The following CNTNAP2 variants were observed in gnomAD, a reference collection of about 807,000 sequenced individuals.
CNTNAP2 encodes contactin-associated protein-like 2.
In CNTNAP2, 98 loss-of-function variants were observed where a neutral mutation model predicts 155.2. The ratio of observed to expected loss-of-function variants is 0.63; its 90% confidence interval spans 0.54 to 0.75. The LOEUF is 0.75. CNTNAP2 is among the 30% of genes least tolerant of loss of function. The probability of loss-of-function intolerance (pLI) is 0.00; values close to 1 mark genes in which losing one functional copy is unlikely to be tolerated. For missense variants in CNTNAP2, 1,727 were observed against 1,688.1 expected (o/e 1.02, Z -0.40); for synonymous variants, 651 against 631.2 (o/e 1.03, Z -0.47).
chr7:147,399,267 A>G (rs936804457), intron 10 of CNTNAP2, among the ~76,000 whole-genome samples: 3 of 152,160 alleles, frequency 2.0e-5, no homozygotes, highest in African/African-American at 7.2e-5. Flanking sequence ...AGCGTTCTAA[A>G]TAGAGCAACA....
At chr7:147,735,566 C>T (rs947335928) in intron 13 of CNTNAP2, among the ~76,000 whole-genome samples, 5 of 150,148 alleles carry the variant, frequency 3.3e-5, no homozygotes, top group African/African-American at 4.9e-5. Flanking sequence ...AGTTCAATTC[C>T]TGGATATCCT....
At chr7:146,163,810 C>T (rs1044270325) in intron 1 of CNTNAP2, among the ~76,000 whole-genome samples, 5 of 151,392 alleles carry the variant, frequency 3.3e-5, no homozygotes, top group African/African-American at 1.2e-4. Context: ...AGAGATCATT[C>T]AAGATTTACA....
chr7:146,189,952 G>T (rs1051270893), intron 1 of CNTNAP2, among the ~76,000 whole-genome samples: 1 of 152,106 alleles, frequency 6.6e-6, no homozygotes, highest in Non-Finnish European at 1.5e-5. Context: ...TTTTGCACAT[G>T]ATCCCATAAA....
At chr7:147,871,174 G>C (rs774235559) in intron 13 of CNTNAP2, among the ~76,000 whole-genome samples, 6 of 152,122 alleles carry the variant, frequency 3.9e-5, no homozygotes, top group Non-Finnish European at 8.8e-5. Context: ...ATTTAAATAT[G>C]ATTTAGATAT....
intron 12 of CNTNAP2, among the ~76,000 whole-genome samples, chr7:147,590,052 A>G (rs1800708265): frequency 6.6e-6 from 1 of 152,196 alleles, no homozygotes; most frequent in Non-Finnish European, 1.5e-5. Context: ...CACAGGTAAC[A>G]CATAAATGAG....
At chr7:146,382,562 T>A (rs917222010) in intron 1 of CNTNAP2, among the ~76,000 whole-genome samples, 1 of 152,196 alleles carries the variant, frequency 6.6e-6, no homozygotes, top group African/African-American at 2.4e-5. Flanking sequence ...AAAGTACATA[T>A]AATTACTTTT....
chr7:147,491,158 G>T lies in CNTNAP2; in HGVS notation c.1777+5117G>T, dbSNP rs116615138. ...AGGGAATTGGAATCCATCCTTTGGG[G>T]CAAGTTCACCTGGCTTGCCAGGTCC... On this transcript the variant is annotated intron_variant, in intron 11 of 23. Coordinates refer to ENST00000361727, the MANE Select transcript of CNTNAP2 (RefSeq NM_014141.6). 3.7e-3 allele frequency among the ~76,000 whole-genome samples: 564 copies of T among 152,196 alleles called. 2 individuals are homozygous for T. The highest frequency in any genetic ancestry group is 0.013 in the African/African-American group (540 of 41,532).
intron 15 of CNTNAP2, among the ~76,000 whole-genome samples, chr7:148,056,086 A>T (rs1803001560): frequency 1.3e-5 from 2 of 152,314 alleles, no homozygotes; most frequent in Admixed American, 6.5e-5. Context: ...AGATATGCAG[A>T]CTGTATAGCA....
chr7:146,564,924 G>A (rs1461688809), intron 1 of CNTNAP2, among the ~76,000 whole-genome samples: 3 of 152,004 alleles, frequency 2.0e-5, no homozygotes, highest in Admixed American at 1.3e-4. Flanking sequence ...AAGAAACTGA[G>A]CATCTAGAAG....
intron 9 of CNTNAP2, among the ~76,000 whole-genome samples, chr7:147,362,384 C>T (rs1246273670): frequency 6.6e-6 from 1 of 152,158 alleles, no homozygotes; most frequent in Non-Finnish European, 1.5e-5. Flanking sequence ...ATCCTCCTGC[C>T]TCGGCCACAC....
chr7:146,776,335 A>C (rs1261430887), intron 2 of CNTNAP2, among the ~76,000 whole-genome samples: 2 of 152,188 alleles, frequency 1.3e-5, no homozygotes, highest in Non-Finnish European at 2.9e-5. Context: ...CGACTGAAGA[A>C]GATGATTTGC....
chr7:147,686,961 G>A (rs1199200932), intron 13 of CNTNAP2, among the ~76,000 whole-genome samples: 1 of 151,960 alleles, frequency 6.6e-6, no homozygotes, highest in Non-Finnish European at 1.5e-5. Flanking sequence ...TCAGAAGGGT[G>A]ACTACAGTTA....
At chr7:147,592,934 C>A (rs1800766529) in intron 12 of CNTNAP2, among the ~76,000 whole-genome samples, 1 of 152,166 alleles carries the variant, frequency 6.6e-6, no homozygotes, top group Non-Finnish European at 1.5e-5. Flanking sequence ...TGACAGTCCT[C>A]CCCACTGCTC....
intron 1 of CNTNAP2, among the ~76,000 whole-genome samples, chr7:146,686,622 G>A (rs573036863): frequency 6.6e-6 from 1 of 152,302 alleles, no homozygotes; most frequent in Admixed American, 6.5e-5. Context: ...TTTTTAAGGA[G>A]TTCTAATTTT....
intron 1 of CNTNAP2, among the ~76,000 whole-genome samples, chr7:146,267,054 C>T (rs1800005075): frequency 6.6e-6 from 1 of 151,928 alleles, no homozygotes; most frequent in Non-Finnish European, 1.5e-5. Context: ...TTGTAAAAAA[C>T]ACTGCATAAA....
intron 14 of CNTNAP2, among the ~76,000 whole-genome samples, chr7:147,918,548 C>T (rs2538958): frequency 0.67 from 102,080 of 152,060 alleles, 35,790 homozygotes; most frequent in African/African-American, 0.86. Context: ...ATATTACATG[C>T]ACATCCTACA....
chr7:147,154,860 A>C (rs1584760089), intron 8 of CNTNAP2, among the ~76,000 whole-genome samples: 1 of 152,300 alleles, frequency 6.6e-6, no homozygotes, highest in Non-Finnish European at 1.5e-5. Context: ...AAAGAAACAA[A>C]AACATATAGT....
chr7:146,983,548 G>A (rs983866167), intron 3 of CNTNAP2, among the ~76,000 whole-genome samples: 4 of 152,020 alleles, frequency 2.6e-5, no homozygotes, highest in Non-Finnish European at 4.4e-5. Context: ...CCCTACAAAC[G>A]CCAAGATTCA....
intron 13 of CNTNAP2, among the ~76,000 whole-genome samples, chr7:147,802,961 A>C (rs949239894): frequency 7.9e-5 from 12 of 152,158 alleles, no homozygotes; most frequent in Non-Finnish European, 1.6e-4. Context: ...ATTATAATAA[A>C]TAGTCTAAAT....
Sources: allele counts gnomAD v4.1 joint callset (sites outside exome capture counted in the v4.1 genomes callset), GRCh38; gene constraint gnomAD v4.1.1; transcripts MANE v1.5; gene names NCBI Gene and HGNC (gene_info 2026-07-23, HGNC 2026-07-21).